The following ERC1 variants were observed in gnomAD, a reference collection of about 807,000 sequenced individuals.
The protein encoded by ERC1 is RAB6 interacting protein 2.
In ERC1, 56 loss-of-function variants were observed where a neutral mutation model predicts 132.0. That is an observed-to-expected ratio of 0.42 (90% CI 0.34 to 0.53). ERC1 has a LOEUF of 0.53. Among genes scored for constraint, ERC1 ranks in the 20% least tolerant of loss-of-function variants. The pLI is 0.03. For synonymous variants in ERC1, 478 were observed against 476.1 expected (o/e 1.00, Z -0.05); for missense variants, 1,202 against 1,349.9 (o/e 0.89, Z 1.72).
rs549724004 is a variant in ERC1 at position 1,349,967 on chromosome 12, G to A, written c.2781-21866G>A. On this transcript the variant is annotated intron_variant, in intron 15 of 18. Coordinates refer to ENST00000360905, the MANE Select transcript of ERC1 (RefSeq NM_178040.4). ...AATGCTCTGACAACTTTGTCTCCAG[G>A]TCCACTCTACTGTTCCTTATTGAGG... Among the ~76,000 whole-genome samples the A allele has an allele frequency of 1.6e-4, 24 of 152,260 alleles. No homozygotes were observed. In the South Asian group the frequency reaches 5.0e-3, roughly 32 times the overall value.
rs144201365 is a variant in ERC1, at chr12:1,157,137, C to G, written c.1737+15350C>G. Among the ~76,000 whole-genome samples the G allele has an allele frequency of 7.1e-4, 108 of 152,266 alleles. 1 individual carries two copies. Among genetic ancestry groups the G allele is most frequent in the African/African-American group, 2.4e-3 (101 of 41,572 alleles). ...TTTTTGAGAAAGGCTCTCACTCACT[C>G]TGTCACCCAGGCTGGAGTGCAGTGT... On this transcript the variant is annotated intron_variant, in intron 8 of 18. Coordinates refer to ENST00000360905, the MANE Select transcript of ERC1 (RefSeq NM_178040.4).
At chr12:1,454,384 A>C (rs2093487253) in intron 18 of ERC1, among the ~76,000 whole-genome samples, 1 of 152,220 alleles carries the variant, frequency 6.6e-6, no homozygotes, top group South Asian at 2.1e-4. Flanking sequence ...AAATTAACCT[A>C]ATCCGAGGAA....
chr12:1,488,443 T>C (rs1218924863), intron 18 of ERC1, among the ~76,000 whole-genome samples: 1 of 152,162 alleles, frequency 6.6e-6, no homozygotes, highest in Non-Finnish European at 1.5e-5. Flanking sequence ...TGTAAGCACT[T>C]TGGGAGGCCG....
intron 1 of ERC1, among the ~76,000 whole-genome samples, chr12:1,000,973 C>T (rs776045162): frequency 2.6e-5 from 4 of 152,004 alleles, no homozygotes; most frequent in Admixed American, 1.3e-4. Context: ...TGCAGTGATG[C>T]GATCTCGTCT....
rs2094331311 is a variant in ERC1 at position 1,493,142 on chromosome 12, C to G, written c.*2912C>G. ...TTCTCATCTTTTCATATACCTCTAA[C>G]CCCCGGTACTCATTGAATCATTGAT... is the stretch of plus-strand genomic sequence containing the variant. On this transcript the variant is annotated 3_prime_UTR_variant, in exon 19 of 19. Coordinates refer to ENST00000360905, the MANE Select transcript of ERC1 (RefSeq NM_178040.4). 4.7e-6 allele frequency: 1 copy of G among 211,904 alleles called. No homozygotes were observed. Among genetic ancestry groups the G allele is most frequent in the Non-Finnish European group, 9.6e-6 (1 of 104,382 alleles). The allele number at this position is 211,904 out of a possible 1,614,324, so 13.1% of individuals were successfully genotyped here.
intron 2 of ERC1, among the ~76,000 whole-genome samples, chr12:1,067,945 T>C (rs61918733): frequency 2.3e-5 from 2 of 87,788 alleles, no homozygotes; most frequent in Admixed American, 1.2e-4. Context: ...TTTTTTTTTT[T>C]CCTTCTGAGA....
intron 15 of ERC1, among the ~76,000 whole-genome samples, chr12:1,310,209 T>TTTTGTTTTG (rs1566554198): frequency 2.0e-5 from 3 of 151,204 alleles, no homozygotes; most frequent in Non-Finnish European, 4.4e-5. Flanking sequence ...AAACAGTTCT[T>TTTTGTTTTG]TTTTATTTTA....
intron 15 of ERC1, among the ~76,000 whole-genome samples, chr12:1,303,155 C>T (rs1362104940): frequency 6.6e-6 from 1 of 152,102 alleles, no homozygotes; most frequent in African/African-American, 2.4e-5. Context: ...GCTGACTGAG[C>T]AGAGTGGTGG....
intron 12 of ERC1, among the ~76,000 whole-genome samples, chr12:1,223,860 C>T (rs912031033): frequency 2.6e-5 from 4 of 152,004 alleles, no homozygotes; most frequent in Admixed American, 1.3e-4. Flanking sequence ...TTAGTTCAGG[C>T]AAAACAGCAG....
intron 18 of ERC1, among the ~76,000 whole-genome samples, chr12:1,476,727 C>T (rs970006512): frequency 8.5e-5 from 13 of 152,206 alleles, no homozygotes; most frequent in Admixed American, 1.3e-4. Context: ...GGTTACTTGT[C>T]AAAAGCTTTA....
chr12:1,007,502 CTCTCACTGGGTAAT>C, intron 1 of ERC1, among the ~76,000 whole-genome samples: 2 of 149,452 alleles, frequency 1.3e-5, no homozygotes, highest in Non-Finnish European at 3.0e-5. Flanking sequence ...CTTTCTCTCT[CTCTCACTGGGTAAT>C]TCTCTCTCTC....
intron 2 of ERC1, among the ~76,000 whole-genome samples, chr12:1,060,241 A>G (rs891027550): frequency 2.3e-4 from 35 of 149,548 alleles, no homozygotes; most frequent in African/African-American, 8.1e-4. Context: ...TTAGTTACAT[A>G]TGTATACATG....
intron 1 of ERC1, among the ~76,000 whole-genome samples, chr12:1,022,281 T>C (rs1441657278): frequency 6.6e-6 from 1 of 152,208 alleles, no homozygotes; most frequent in Non-Finnish European, 1.5e-5. Flanking sequence ...CCTGAAACAT[T>C]GCAGAAAACA....
At chr12:1,404,075 A>G (rs1389270883) in intron 16 of ERC1, among the ~76,000 whole-genome samples, 11 of 152,224 alleles carry the variant, frequency 7.2e-5, no homozygotes. Context: ...CTGCTATAAC[A>G]AAATAACTCA....
chr12:1,284,488 A>C (rs1019588684), intron 14 of ERC1, among the ~76,000 whole-genome samples: 1 of 152,012 alleles, frequency 6.6e-6, no homozygotes, highest in Non-Finnish European at 1.5e-5. Flanking sequence ...AGAGAGTTCT[A>C]TTTTTAGTTG....
chr12:1,065,031 C>T (rs763339725), intron 2 of ERC1, among the ~76,000 whole-genome samples: 51 of 151,304 alleles, frequency 3.4e-4, no homozygotes, highest in Admixed American at 1.2e-3. Context: ...GGCAGAGTCT[C>T]GCTCTGTTGC....
intron 8 of ERC1, among the ~76,000 whole-genome samples, chr12:1,150,069 T>A (rs60735284): frequency 6.6e-6 from 1 of 152,094 alleles, no homozygotes; most frequent in African/African-American, 2.4e-5. Context: ...CTCCTGTAGC[T>A]TACATTGCAA....
At chr12:1,370,245 C>T (rs2087070909) in intron 15 of ERC1, among the ~76,000 whole-genome samples, 2 of 152,238 alleles carry the variant, frequency 1.3e-5, no homozygotes, top group Admixed American at 6.5e-5. Context: ...TTTCTTACAT[C>T]AGCTTCCCCA....
intron 5 of ERC1, among the ~76,000 whole-genome samples, chr12:1,110,831 T>A (rs1945773065): frequency 6.6e-6 from 1 of 152,132 alleles, no homozygotes; most frequent in African/African-American, 2.4e-5. Context: ...GCCTCCCAAG[T>A]AGCTGGGATT....
Sources: allele counts gnomAD v4.1 joint callset (sites outside exome capture counted in the v4.1 genomes callset), GRCh38; gene constraint gnomAD v4.1.1; transcripts MANE v1.5; gene names NCBI Gene and HGNC (gene_info 2026-07-23, HGNC 2026-07-21).